Variants in FAT4 observed in about 807,000 individuals in gnomAD.
FAT4 encodes protocadherin Fat 4.
A neutral mutation model predicts 303.9 loss-of-function variants in FAT4; 84 were observed. The observed-to-expected ratio is 0.28, with a 90% CI of 0.23 to 0.33. The LOEUF (loss-of-function observed/expected upper bound fraction) is 0.33. FAT4 is among the 10% of genes least tolerant of loss of function. The pLI, the probability that FAT4 is intolerant of heterozygous loss-of-function variation, is 1.00. For synonymous variants in FAT4, 2,307 were observed against 2,298.8 expected, an observed-to-expected ratio of 1.00 and a Z score of -0.10; for missense variants, 6,005 against 6,146.8, an observed-to-expected ratio of 0.98 and a Z score of 0.77.
At position 125,405,340 on chromosome 4, in the gene FAT4, C is replaced by T. The variant is rs567451374; in HGVS notation, c.5308-1540C>T. Among the ~76,000 whole-genome samples the T allele has an allele frequency of 4.4e-4, 67 of 152,176 alleles. 1 individual carries two copies. The South Asian group carries it at 0.013, about 30-fold the overall frequency. On this transcript the variant is annotated intron_variant, in intron 3 of 17. Transcript: ENST00000394329. ...TTTCCACAACAGCTGTATCATTTTGCATTCCCACCAACAGTGTACAAGGGT... is the reference window on the plus strand; with the variant it reads ...TTTCCACAACAGCTGTATCATTTTGTATTCCCACCAACAGTGTACAAGGGT...
intron 7 of FAT4, 138 bp from the exon 8 acceptor site, chr4:125,434,103 ATCAC>A: frequency 1.6e-5 from 11 of 669,134 alleles, no homozygotes; most frequent in Non-Finnish European, 2.5e-5. Flanking sequence ...AAAATTAAAA[ATCAC>A]TCAATCACTT....
intron 12 of FAT4, among the ~76,000 whole-genome samples, chr4:125,472,578 T>A (rs955953254): frequency 6.6e-6 from 1 of 152,188 alleles, no homozygotes; most frequent in Non-Finnish European, 1.5e-5. Flanking sequence ...ACAGACAATC[T>A]ATTATGAAAG....
chr4:125,375,034 G>A (rs1220415584), intron 2 of FAT4, among the ~76,000 whole-genome samples: 1 of 152,100 alleles, frequency 6.6e-6, no homozygotes, highest in Non-Finnish European at 1.5e-5. Flanking sequence ...GCACATATTG[G>A]CATCTTCAGA....
At chr4:125,469,920 C>G (rs1726800006) in intron 12 of FAT4, among the ~76,000 whole-genome samples, 1 of 152,134 alleles carries the variant, frequency 6.6e-6, no homozygotes, top group African/African-American at 2.4e-5. Context: ...TTACTTTGCC[C>G]AGACCTATCA....
At chr4:125,383,464 C>G (rs935528938) in intron 2 of FAT4, among the ~76,000 whole-genome samples, 1 of 152,094 alleles carries the variant, frequency 6.6e-6, no homozygotes, top group African/African-American at 2.4e-5. Context: ...TATATGGGTG[C>G]AGCTTGTAAT....
chr4:125,354,752 GA>G (rs35163847), intron 2 of FAT4, among the ~76,000 whole-genome samples: 18,328 of 135,136 alleles, frequency 0.14, 1,532 homozygotes, highest in African/African-American at 0.27. Flanking sequence ...AGAGTTTAAT[GA>G]AAAAAAAAAA....
At chr4:125,356,878 G>T (rs925759762) in intron 2 of FAT4, among the ~76,000 whole-genome samples, 1 of 151,360 alleles carries the variant, frequency 6.6e-6, no homozygotes, top group African/African-American at 2.4e-5. Context: ...TAAGTCAATG[G>T]CGGGATACTG....
chr4:125,421,629 T>C (rs1379845999), intron 7 of FAT4, among the ~76,000 whole-genome samples: 1 of 152,176 alleles, frequency 6.6e-6, no homozygotes, highest in Non-Finnish European at 1.5e-5. Flanking sequence ...TTGGGGATGC[T>C]ACAGTTATAC....
Position 125,414,222 on chromosome 4 carries a change from A to G in FAT4, c.5921-662A>G, listed in dbSNP as rs180722177. On this transcript the variant is annotated intron_variant, in intron 5 of 17. Transcript: ENST00000394329. The stretch of plus-strand genomic sequence containing the variant: ...AGGATTTAGAAACAATTTTTAAACT[A>G]AAAAATGACACATGATCCTAAGAAA... 3.0e-3 allele frequency among the ~76,000 whole-genome samples: 459 copies of G among 152,220 alleles called. 8 individuals carry two copies. The highest frequency in any genetic ancestry group is 1.0e-3 in the Non-Finnish European group (71 of 67,972).
chr4:125,404,738 T>A (rs756967926), intron 3 of FAT4, among the ~76,000 whole-genome samples: 1 of 152,102 alleles, frequency 6.6e-6, no homozygotes, highest in African/African-American at 2.4e-5. Context: ...TTCTCCCTAC[T>A]GTCTGTCCTG....
intron 2 of FAT4, among the ~76,000 whole-genome samples, chr4:125,355,397 A>G (rs1339781984): frequency 6.6e-6 from 1 of 152,032 alleles, no homozygotes; most frequent in Non-Finnish European, 1.5e-5. Flanking sequence ...TGTTCCAGAT[A>G]TAATTCCAAA....
At chr4:125,337,988 A>T (rs528114658) in intron 2 of FAT4, among the ~76,000 whole-genome samples, 1 of 152,270 alleles carries the variant, frequency 6.6e-6, no homozygotes, top group Non-Finnish European at 1.5e-5. Context: ...ACTCACCCAA[A>T]ATAAGTATCC....
At chr4:125,401,005 T>C (rs1389661748) in intron 3 of FAT4, among the ~76,000 whole-genome samples, 2 of 151,820 alleles carry the variant, frequency 1.3e-5, no homozygotes, top group East Asian at 3.9e-4. Context: ...CTCGATTTGT[T>C]TGTGTGCGAG....
At chr4:125,456,808 A>G (rs553750427) in intron 10 of FAT4, among the ~76,000 whole-genome samples, 2 of 152,310 alleles carry the variant, frequency 1.3e-5, no homozygotes, top group South Asian at 4.1e-4. Flanking sequence ...GACAAAATTT[A>G]CACATAACTG....
chr4:125,426,326 C>G (rs1725084676), intron 7 of FAT4, among the ~76,000 whole-genome samples: 1 of 151,930 alleles, frequency 6.6e-6, no homozygotes, highest in Non-Finnish European at 1.5e-5. Flanking sequence ...TTTTAAGGCC[C>G]CAATAATTCT....
Position 125,398,869 on chromosome 4 carries a change from G to A in FAT4, c.5261G>A (p.Gly1754Glu), listed in dbSNP as rs775986147. Reference sequence around the variant, plus strand: ...GATCTCACGGTAGAGGAGAACATTGGAGATGGCTCTAAGATTATGCAGCTG... The same window carrying A: ...GATCTCACGGTAGAGGAGAACATTGAAGATGGCTCTAAGATTATGCAGCTG... Reference protein sequence around the residue: ...MLDLTVEENIGDGSKIMQLTA... With the variant: ...MLDLTVEENIEDGSKIMQLTA... Residue 1754 changes from glycine to glutamate, a missense_variant, in exon 3 of 18, where the codon GGA becomes GAA. Gly to Glu is a moderately conservative substitution (Grantham distance 98, BLOSUM62 -2). Coordinates refer to ENST00000394329, the MANE Select transcript of FAT4 (RefSeq NM_001291303.3). 4 of 1,613,128 alleles carry A rather than the reference G, an allele frequency of 2.5e-6. No homozygotes were observed. The African/African-American group carries it at 4.0e-5, about 16-fold the overall frequency.
At chr4:125,329,982 C>T (rs1198861903) in intron 2 of FAT4, among the ~76,000 whole-genome samples, 1 of 152,168 alleles carries the variant, frequency 6.6e-6, no homozygotes, top group Admixed American at 6.5e-5. Flanking sequence ...CTGTTAGTAA[C>T]TTGGTCTAAG....
At chr4:125,390,223 C>A (rs919736901) in intron 2 of FAT4, among the ~76,000 whole-genome samples, 1 of 152,020 alleles carries the variant, frequency 6.6e-6, no homozygotes, top group Non-Finnish European at 1.5e-5. Context: ...AAATTTAACT[C>A]TATACTTGAT....
chr4:125,478,514 G>A (rs1305350280), intron 14 of FAT4, among the ~76,000 whole-genome samples: 1 of 151,914 alleles, frequency 6.6e-6, no homozygotes, highest in African/African-American at 2.4e-5. Flanking sequence ...CTTATGTCCA[G>A]AATGATGTTT....
Sources: gnomAD v4.1 joint callset for allele counts (sites outside exome capture counted in the v4.1 genomes callset) on GRCh38, gnomAD v4.1.1 for gene constraint, MANE v1.5 for transcripts, NCBI Gene and HGNC (gene_info 2026-07-23, HGNC 2026-07-21) for gene names.